Variants in WDR35 observed in about 807,000 individuals in gnomAD.
WDR35 encodes WD repeat domain 35.
A neutral mutation model predicts 158.3 loss-of-function variants in WDR35; 118 were observed. The ratio of observed to expected loss-of-function variants is 0.75; its 90% confidence interval spans 0.64 to 0.87. WDR35 has a LOEUF of 0.87. Ranked by LOEUF, WDR35 falls within the 40% of genes least tolerant of loss-of-function variation. WDR35 has a pLI of 0.00. For synonymous variants in WDR35, 448 were observed against 476.1 expected (o/e 0.94, Z 0.77); for missense variants, 1,263 against 1,405.8 (o/e 0.90, Z 1.62).
intron 25 of WDR35, among the ~76,000 whole-genome samples, chr2:19,923,970 G>A (rs750595744): frequency 4.6e-5 from 7 of 152,142 alleles, no homozygotes; most frequent in Non-Finnish European, 8.8e-5. Flanking sequence ...CTCCTGCTCA[G>A]TTCTTACAAT....
At chr2:19,947,481 T>C (rs1037431699) in intron 14 of WDR35, among the ~76,000 whole-genome samples, 4 of 152,240 alleles carry the variant, frequency 2.6e-5, no homozygotes, top group Non-Finnish European at 5.9e-5. Context: ...AGCATTACTG[T>C]ATAAAAGTAA....
intron 3 of WDR35, among the ~76,000 whole-genome samples, chr2:19,981,885 T>C (rs1672393260): frequency 6.6e-6 from 1 of 152,158 alleles, no homozygotes; most frequent in Admixed American, 6.5e-5. Flanking sequence ...ACAACATCCA[T>C]AGACAGGAGT....
intron 9 of WDR35, among the ~76,000 whole-genome samples, chr2:19,968,462 T>C (rs1046100633): frequency 2.0e-5 from 3 of 152,202 alleles, no homozygotes; most frequent in African/African-American, 7.2e-5. Flanking sequence ...AAATAATCCA[T>C]CTATATCAGC....
chr2:19,946,822 T>C (rs544057411), intron 14 of WDR35, among the ~76,000 whole-genome samples: 1 of 152,272 alleles, frequency 6.6e-6, no homozygotes, highest in South Asian at 2.1e-4. Flanking sequence ...ACCTAGCACT[T>C]TGGCAATACA....
chr2:19,987,845 A>AACT, intron 2 of WDR35, among the ~76,000 whole-genome samples: 1 of 151,460 alleles, frequency 6.6e-6, no homozygotes, highest in Admixed American at 6.6e-5. Context: ...AAAAAAAAAA[A>AACT]ACTTGCCAAA....
chr2:19,915,399 A>C (rs188839610), intron 25 of WDR35, among the ~76,000 whole-genome samples: 105 of 151,856 alleles, frequency 6.9e-4, no homozygotes, highest in Admixed American at 6.8e-3. Flanking sequence ...GTAATAATTT[A>C]CAGGTCATAC....
chr2:19,914,145 G>T lies in WDR35; in HGVS notation c.3254C>A (p.Thr1085Asn), dbSNP rs190070503. Residue 1085 changes from threonine to asparagine, a missense_variant, in exon 26 of 27, where the codon ACC (threonine) becomes AAC (asparagine). Thr to Asn is a moderately conservative substitution (Grantham distance 65). Transcript: ENST00000281405. ...CTGCTGTTTCTGTTCTGAACTGAGG[G>T]TCTCTAAAGATTTAAGTTTAATGAA... ...KAFIKLKSLETLSSEQKQQYE... is the reference protein window; with the variant it reads ...KAFIKLKSLENLSSEQKQQYE... 39 of 1,614,130 alleles carry T rather than the reference G, an allele frequency of 2.4e-5. No individual in the cohort carries two copies. Among genetic ancestry groups the T allele is most frequent in the Non-Finnish European group, 3.1e-5 (36 of 1,180,004 alleles).
chr2:19,984,151 G>A (rs1672481948), intron 2 of WDR35, among the ~76,000 whole-genome samples: 1 of 151,914 alleles, frequency 6.6e-6, no homozygotes, highest in South Asian at 2.1e-4. Context: ...CCATAAGGTA[G>A]CATACTCTTG....
chr2:19,918,042 T>A (rs1670043922), intron 25 of WDR35, among the ~76,000 whole-genome samples: 1 of 152,156 alleles, frequency 6.6e-6, no homozygotes, highest in Non-Finnish European at 1.5e-5. Context: ...ACAGCAGATC[T>A]CTCGGCAGAA....
chr2:19,981,667 A>T (rs555161149), intron 3 of WDR35, among the ~76,000 whole-genome samples: 46 of 152,222 alleles, frequency 3.0e-4, no homozygotes, highest in Non-Finnish European at 5.0e-4. Context: ...ACGGGCACAC[A>T]GCACCACGCC....
Position 19,955,230 on chromosome 2 carries a change from A to G in WDR35, c.1256-1252T>C, listed in dbSNP as rs566883224. ...CTCCCAAAGTGCTGGGATTACAGGC[A>G]TGAGCCACCCCGCCTGGCCACATCT... On this transcript the variant is annotated intron_variant, in intron 11 of 26. Transcript: ENST00000281405. Among the ~76,000 whole-genome samples the G allele has an allele frequency of 7.2e-5, 11 of 152,286 alleles. No individual in the cohort carries two copies. In the South Asian group the frequency reaches 2.3e-3, roughly 32 times the overall value.
intron 16 of WDR35, among the ~76,000 whole-genome samples, chr2:19,942,059 C>T (rs778332435): frequency 1.3e-5 from 2 of 152,142 alleles, no homozygotes; most frequent in Admixed American, 1.3e-4. Flanking sequence ...AAATTACGGA[C>T]ATCATGATAT....
intron 25 of WDR35, 42 bp from the exon 26 acceptor site, chr2:19,914,319 TATG>T (rs1295799503): frequency 1.9e-6 from 3 of 1,610,898 alleles, no homozygotes; most frequent in Non-Finnish European, 2.5e-6. Flanking sequence ...AAATAATTAT[TATG>T]ATATCATGAA....
chr2:19,966,690 C>G (rs529633677), intron 10 of WDR35, 34 bp downstream of exon 10: 2 of 1,610,244 alleles, frequency 1.2e-6, no homozygotes, highest in Admixed American at 3.3e-5. Context: ...AGCAGTTAGC[C>G]CAGCTATGTC....
At chr2:19,981,918 C>T (rs1337186168) in intron 3 of WDR35, among the ~76,000 whole-genome samples, 3 of 152,046 alleles carry the variant, frequency 2.0e-5, no homozygotes, top group Non-Finnish European at 2.9e-5. Flanking sequence ...TTAAAAACAG[C>T]TATTTTCTTC....
intron 26 of WDR35, 132 bp downstream of exon 26, chr2:19,913,905 T>C (rs1572301272): frequency 1.4e-6 from 2 of 1,440,418 alleles, no homozygotes; most frequent in East Asian, 4.7e-5. Flanking sequence ...TAAAAATAAA[T>C]AAAATAGGGT....
At chr2:19,972,337 A>C (rs1672057516) in intron 8 of WDR35, among the ~76,000 whole-genome samples, 1 of 152,206 alleles carries the variant, frequency 6.6e-6, no homozygotes, top group African/African-American at 2.4e-5. Context: ...TTAACACTTA[A>C]CACATTGTTT....
Position 19,965,582 on chromosome 2 carries a change from G to A in WDR35, c.1194+1142C>T, listed in dbSNP as rs570103129. 4.6e-5 allele frequency among the ~76,000 whole-genome samples: 7 copies of A among 152,298 alleles called. No individual in the cohort carries two copies. The South Asian group carries it at 1.5e-3, about 32-fold the overall frequency. ...TTCTGGGAACCAAATAGGAAAAGAA[G>A]ACTTGGGTAATGTTGAGTAGCAAAC... On this transcript the variant is annotated intron_variant, in intron 10 of 26. Transcript: ENST00000281405.
intron 3 of WDR35, among the ~76,000 whole-genome samples, chr2:19,981,156 A>T (rs765880775): frequency 2.6e-5 from 4 of 152,156 alleles, no homozygotes; most frequent in Non-Finnish European, 5.9e-5. Flanking sequence ...GGGGACTTTT[A>T]TCATTTTTGG....
Sources: gnomAD v4.1 joint callset for allele counts (sites outside exome capture counted in the v4.1 genomes callset) on GRCh38, gnomAD v4.1.1 for gene constraint, MANE v1.5 for transcripts, NCBI Gene and HGNC (gene_info 2026-07-23, HGNC 2026-07-21) for gene names.